ZNF438: variants seen among roughly 807,000 people sequenced by gnomAD.
ZNF438 encodes the protein zinc finger protein 438.
Under a neutral mutation model 38.0 loss-of-function variants are expected in ZNF438, and 25 were observed. The observed-to-expected ratio is 0.66, with a 90% confidence interval of 0.48 to 0.92. ZNF438 has a LOEUF of 0.92. ZNF438 is among the 40% of genes least tolerant of loss of function. ZNF438 has a pLI of 0.00. For missense variants in ZNF438, 1,007 were observed against 999.6 expected, an observed-to-expected ratio of 1.01 and a Z score of -0.10; for synonymous variants, 372 against 364.1, an observed-to-expected ratio of 1.02 and a Z score of -0.25.
At position 30,893,665 on chromosome 10, in the gene ZNF438, G is replaced by A. The variant is rs16932052; in HGVS notation, c.-32+15268C>T. Reference sequence around the variant, plus strand: ...GATGAAATGGTGTCTTGACTGAGGTGCTACCAGCTGAGGATATGTGAACCC... The same window carrying A: ...GATGAAATGGTGTCTTGACTGAGGTACTACCAGCTGAGGATATGTGAACCC... On this transcript the variant is annotated intron_variant, in intron 3 of 5. Transcript: ENST00000413025. Among the ~76,000 whole-genome samples the A allele has an allele frequency of 9.9e-3, 1,506 of 152,280 alleles. 23 individuals are homozygous for A. The highest frequency in any genetic ancestry group is 0.034 in the African/African-American group (1,400 of 41,546).
At chr10:30,887,791 T>C (rs1186479524) in intron 3 of ZNF438, among the ~76,000 whole-genome samples, 2 of 152,138 alleles carry the variant, frequency 1.3e-5, no homozygotes, top group African/African-American at 4.8e-5. Flanking sequence ...AAATATATAA[T>C]ATCATCTCAA....
intron 1 of ZNF438, among the ~76,000 whole-genome samples, chr10:30,948,109 T>C (rs545668872): frequency 3.4e-4 from 52 of 152,244 alleles, no homozygotes; most frequent in Admixed American, 1.0e-3. Context: ...CTGAGCAGCC[T>C]AACTGGGAGG....
At chr10:30,850,453 G>T (rs2033386596) in intron 4 of ZNF438, 86 bp from the exon 6 acceptor site, 1 of 1,437,604 alleles carries the variant, frequency 7.0e-7, no homozygotes. Context: ...TATTTACTCT[G>T]CCCAGAACAG....
chr10:30,886,476 G>A (rs1004099185), intron 3 of ZNF438, among the ~76,000 whole-genome samples: 2 of 152,244 alleles, frequency 1.3e-5, no homozygotes, highest in Middle Eastern at 3.4e-3. Flanking sequence ...CCCATCCTAA[G>A]TCTTGAAAAT....
At chr10:30,884,530 A>G (rs1230979242) in intron 3 of ZNF438, among the ~76,000 whole-genome samples, 1 of 152,206 alleles carries the variant, frequency 6.6e-6, no homozygotes, top group African/African-American at 2.4e-5. Context: ...GTTTATAAGG[A>G]AAAACCTCTG....
At chr10:30,950,574 C>T (rs566197691) in intron 1 of ZNF438, among the ~76,000 whole-genome samples, 6 of 151,504 alleles carry the variant, frequency 4.0e-5, no homozygotes, top group South Asian at 4.2e-4. Flanking sequence ...ATATCACCAC[C>T]GATCCCACAG....
chr10:30,945,413 C>A (rs1246244724), intron 1 of ZNF438, among the ~76,000 whole-genome samples: 7 of 146,186 alleles, frequency 4.8e-5, no homozygotes, highest in African/African-American at 1.5e-4. Flanking sequence ...TTTTTTTTTA[C>A]TTTTTTTTAT....
intron 1 of ZNF438, among the ~76,000 whole-genome samples, chr10:30,996,882 C>CT (rs2054100867): frequency 6.6e-6 from 1 of 152,068 alleles, no homozygotes; most frequent in Non-Finnish European, 1.5e-5. Flanking sequence ...GAATACAAAT[C>CT]AGTAACAGAA....
At chr10:30,943,692 T>G (rs954158292) in intron 1 of ZNF438, among the ~76,000 whole-genome samples, 2 of 152,046 alleles carry the variant, frequency 1.3e-5, no homozygotes, top group Non-Finnish European at 1.5e-5. Context: ...AGTCAACCAG[T>G]AACAGGAATT....
chr10:31,030,479 T>C (rs1418589571), intron 1 of ZNF438, among the ~76,000 whole-genome samples: 2 of 152,190 alleles, frequency 1.3e-5, no homozygotes, highest in Admixed American at 6.5e-5. Context: ...AGCCTTTCAT[T>C]TGCACTCTCG....
chr10:31,007,406 T>A (rs1303232759), intron 1 of ZNF438, among the ~76,000 whole-genome samples: 1 of 150,918 alleles, frequency 6.6e-6, no homozygotes, highest in Non-Finnish European at 1.5e-5. Context: ...CTCAGCCTCC[T>A]GAGTAGCTGG....
rs1287905461 is a variant in ZNF438 at position 30,969,355 on chromosome 10, T to C, written c.-191-27704A>G. Among the ~76,000 whole-genome samples, 4 of 152,284 alleles carry C rather than the reference T, an allele frequency of 2.6e-5. No individual in the cohort carries two copies. In the East Asian group the frequency reaches 7.7e-4, roughly 29 times the overall value. On this transcript the variant is annotated intron_variant, in intron 1 of 5. Coordinates refer to ENST00000413025, the Ensembl canonical transcript of ZNF438. ...GTGTTTTCATATACTAAATGGCATA[T>C]CACTAAATAACAGTAAATGAGATTA... is the stretch of plus-strand genomic sequence containing the variant.
intron 4 of ZNF438, among the ~76,000 whole-genome samples, chr10:30,867,049 A>T (rs1377793796): frequency 6.6e-6 from 1 of 152,214 alleles, no homozygotes; most frequent in African/African-American, 2.4e-5. Flanking sequence ...CAGGGTTTCA[A>T]ATTTCACAGT....
At chr10:30,904,939 T>C (rs1564616079) in intron 3 of ZNF438, among the ~76,000 whole-genome samples, 1 of 152,200 alleles carries the variant, frequency 6.6e-6, no homozygotes, top group Non-Finnish European at 1.5e-5. Context: ...TGATGGTACT[T>C]ACCACAATTG....
intron 1 of ZNF438, among the ~76,000 whole-genome samples, chr10:30,992,183 T>G (rs990278748): frequency 1.3e-5 from 2 of 152,208 alleles, no homozygotes; most frequent in Non-Finnish European, 2.9e-5. Flanking sequence ...AAATTTATTT[T>G]TTGGTATTCT....
chr10:30,930,830 A>AAAAAAAAAAAAAAAAAAAC, intron 2 of ZNF438, among the ~76,000 whole-genome samples: 1 of 116,556 alleles, frequency 8.6e-6, no homozygotes, highest in Non-Finnish European at 1.8e-5. Context: ...AAAAAAAAAA[A>AAAAAAAAAAAAAAAAAAAC]AAAAGCAAAT....
intron 1 of ZNF438, 44 bp from the exon 3 acceptor site, chr10:30,941,695 C>A (rs2135518001): frequency 6.6e-6 from 1 of 152,234 alleles, no homozygotes; most frequent in East Asian, 1.9e-4. Context: ...TAAAGAATTT[C>A]TAGGTACCTT....
intron 5 of ZNF438, among the ~76,000 whole-genome samples, chr10:30,847,047 TGCCAGCCTGCA>T (rs2032327685): frequency 6.6e-6 from 1 of 152,158 alleles, no homozygotes; most frequent in Non-Finnish European, 1.5e-5. Context: ...GACAGCTCGG[TGCCAGCCTGCA>T]GGTGCCCCCT....
At chr10:30,878,349 G>A (rs376990113) in intron 3 of ZNF438, among the ~76,000 whole-genome samples, 2 of 152,132 alleles carry the variant, frequency 1.3e-5, no homozygotes, top group East Asian at 1.9e-4. Flanking sequence ...TGACTTCAGA[G>A]GGACAGCTGG....
Sources: allele counts gnomAD v4.1 joint callset (sites outside exome capture counted in the v4.1 genomes callset), GRCh38; gene constraint gnomAD v4.1.1; transcripts MANE v1.5; gene names NCBI Gene and HGNC (gene_info 2026-07-23, HGNC 2026-07-21).